Variants in TMEM82 observed in about 807,000 individuals in gnomAD.
The protein encoded by TMEM82 is transmembrane protein 82.
TMEM82 carries 30 observed loss-of-function variants against 29.2 expected under a neutral mutation model. The ratio of observed to expected loss-of-function variants is 1.03; its 90% CI spans 0.77 to 1.39. The LOEUF (loss-of-function observed/expected upper bound fraction) is 1.39. Ranked by LOEUF, TMEM82 falls within the 40% of genes most tolerant of loss-of-function variation. The probability of loss-of-function intolerance (pLI) is 0.00; values close to 1 mark genes in which losing one functional copy is unlikely to be tolerated. For synonymous variants in TMEM82, 221 were observed against 225.4 expected (o/e 0.98, Z 0.18); for missense variants, 442 against 447.7 (o/e 0.99, Z 0.12).
chr1:15,747,694 A>G lies in TMEM82; in HGVS notation c.*62A>G. ...CACTAGCCTGATCTCCGAGGCCTTG[A>G]CCCCAGGGCGATGCCTGGAGGCAGA... On this transcript the variant is annotated 3_prime_UTR_variant, in exon 6 of 6. Transcript: ENST00000375782. The G allele has an allele frequency of 6.9e-7, 1 of 1,454,596 alleles. No individual in the cohort carries two copies. Among genetic ancestry groups the G allele is most frequent in the Non-Finnish European group, 9.6e-7 (1 of 1,045,766 alleles). 90.1% of individuals were successfully genotyped at this position (1,454,596 alleles called of 1,614,324 possible). A position where few individuals can be genotyped will look rare whatever the true frequency, so the allele number is the denominator to read the frequency against.
chr1:15,747,493 G>A, intron 5 of TMEM82, 53 bp from the exon 6 acceptor site: 4 of 1,517,298 alleles, frequency 2.6e-6, no homozygotes, highest in Middle Eastern at 1.7e-4. Flanking sequence ...GAGGCCCAAG[G>A]CCCGCAGGGG....
intron 4 of TMEM82, 105 bp from the exon 5 acceptor site, chr1:15,746,762 G>C (rs1303456253): frequency 1.1e-6 from 1 of 919,088 alleles, no homozygotes; most frequent in African/African-American, 1.6e-5. Flanking sequence ...TGGGAGGAGG[G>C]CTGCACGGGA....
rs1165971297 is a variant in TMEM82, at chr1:15,744,567, C to A, written c.744C>A (p.Val248=). 5 of 1,608,754 alleles carry A rather than the reference C, an allele frequency of 3.1e-6. No individual in the cohort carries two copies. Among genetic ancestry groups the A allele is most frequent in the Non-Finnish European group, 4.2e-6 (5 of 1,177,664 alleles). The change falls in exon 4 of 6, where the codon GTC becomes GTA. Residue 248 remains valine (V), a synonymous_variant. Transcript: ENST00000375782. The surrounding 1 kb of genome is among the most constrained non-coding windows in gnomAD (Gnocchi z 5.2). The part of the protein sequence containing the change: ...TPLTICYTLL[V]IYMQEEQRQH... ...TCACCATCTGCTACACGCTGCTGGT[C>A]ATCTACATGCAGGGTGAGCGCTGCG...
At position 15,744,280 on chromosome 1, in the gene TMEM82, C is replaced by A. The variant is rs2068316610; in HGVS notation, c.457C>A (p.Leu153Met). 1 of 1,557,554 alleles carries A rather than the reference C, an allele frequency of 6.4e-7. No homozygotes were observed. Among genetic ancestry groups the A allele is most frequent in the South Asian group, 1.2e-5 (1 of 85,670 alleles). Residue 153 changes from leucine to methionine, a missense_variant, in exon 4 of 6, where the codon CTG (leucine) becomes ATG (methionine). Physicochemically the swap from Leu to Met is conservative, Grantham distance 15. Coordinates refer to ENST00000375782, the MANE Select transcript of TMEM82 (RefSeq NM_001013641.3). The surrounding 1 kb of genome is among the most constrained non-coding windows in gnomAD (Gnocchi z 5.2). ...GGGCGCCCCTCACCGCACGCTGAAC[C>A]TGCTGCTGAGCCTCGGGCTGGCCAC... ...QEGAPHRTLN[L>M]LLSLGLATLL...
At chr1:15,743,488 A>T (rs1051680700) in intron 3 of TMEM82, among the ~76,000 whole-genome samples, 1 of 152,266 alleles carries the variant, frequency 6.6e-6, no homozygotes, top group African/African-American at 2.4e-5. Context: ...CGTAATCCTC[A>T]CAGCCACAGG....
At chr1:15,743,769 C>A (rs1432999126) in intron 3 of TMEM82, among the ~76,000 whole-genome samples, 1 of 152,098 alleles carries the variant, frequency 6.6e-6, no homozygotes, top group Admixed American at 6.5e-5. Context: ...GCCTGGCCAA[C>A]ATGGAGAAAC....
intron 5 of TMEM82, 29 bp from the exon 6 acceptor site, chr1:15,747,517 G>C (rs1302501050): frequency 2.5e-6 from 4 of 1,596,758 alleles, no homozygotes; most frequent in Non-Finnish European, 3.4e-6. Context: ...GGGTGAATGG[G>C]TGGTGTCATT....
chr1:15,746,454 G>A (rs1180126894), intron 4 of TMEM82, among the ~76,000 whole-genome samples: 1 of 151,732 alleles, frequency 6.6e-6, no homozygotes, highest in African/African-American at 2.4e-5. Context: ...AGCCTGGCAA[G>A]GAGGCTTCTT....
At chr1:15,747,119 C>A in intron 5 of TMEM82, 65 bp downstream of exon 5, 1 of 1,529,592 alleles carries the variant, frequency 6.5e-7, no homozygotes, top group Non-Finnish European at 8.8e-7. Flanking sequence ...CCAGGAGCCT[C>A]AAGAGGCTCA....
intron 5 of TMEM82, 78 bp from the exon 6 acceptor site, chr1:15,747,468 G>C (rs1183369314): frequency 4.8e-6 from 6 of 1,261,650 alleles, no homozygotes; most frequent in Non-Finnish European, 6.9e-6. Flanking sequence ...GGGGGAGGAA[G>C]TGCCCGGGTC....
At chr1:15,745,284 G>A (rs1290994196) in intron 4 of TMEM82, among the ~76,000 whole-genome samples, 1 of 152,162 alleles carries the variant, frequency 6.6e-6, no homozygotes, top group Non-Finnish European at 1.5e-5. Flanking sequence ...ACTTTGAGAA[G>A]CTGAGACAGG....
chr1:15,747,140 G>A (rs1291277822), intron 5 of TMEM82, 86 bp downstream of exon 5: 6 of 1,433,048 alleles, frequency 4.2e-6, no homozygotes, highest in Non-Finnish European at 5.7e-6. Flanking sequence ...AGTTTAAGAA[G>A]AGCCAGCTGG....
chr1:15,745,405 G>A (rs1446996057), intron 4 of TMEM82, among the ~76,000 whole-genome samples: 1 of 152,052 alleles, frequency 6.6e-6, no homozygotes, highest in Non-Finnish European at 1.5e-5. Context: ...CTGTAATCCA[G>A]CTACTCAGGA....
chr1:15,744,540 G>A lies in TMEM82; in HGVS notation c.717G>A (p.Pro239=), dbSNP rs554348940. The A allele has an allele frequency of 1.7e-5, 27 of 1,612,084 alleles. 1 individual carries two copies. Among genetic ancestry groups the A allele is most frequent in the Admixed American group, 1.2e-4 (7 of 59,926 alleles). The stretch of plus-strand genomic sequence containing the variant: ...CGGAGGCCATGCGGTTCTGGACACC[G>A]CTCACCATCTGCTACACGCTGCTGG... ...TTSEAMRFWT[P]LTICYTLLVI... Residue 239 remains proline (P), a synonymous_variant, in exon 4 of 6, where the codon CCG becomes CCA. Coordinates refer to ENST00000375782, the MANE Select transcript of TMEM82 (RefSeq NM_001013641.3). This position sits in a 1 kb window ranked among gnomAD's most constrained non-coding sequence, Gnocchi z 5.2.
Position 15,744,110 on chromosome 1 carries a change from T to C in TMEM82, c.337-50T>C. 1 of 1,447,298 alleles carries C rather than the reference T, an allele frequency of 6.9e-7. No homozygotes were observed. The highest frequency in any genetic ancestry group is 9.1e-7 in the Non-Finnish European group (1 of 1,099,968). 89.7% of individuals were successfully genotyped at this position (1,447,298 alleles called of 1,614,324 possible). ...CCGGCTTCCTGTGGTGGGCAGCACCTGTGGTGAGGCAGCCCCCACATCTCG... is the reference window on the plus strand; with the variant it reads ...CCGGCTTCCTGTGGTGGGCAGCACCCGTGGTGAGGCAGCCCCCACATCTCG... On this transcript the variant is annotated intron_variant, in intron 3 of 5. Coordinates refer to ENST00000375782, the MANE Select transcript of TMEM82 (RefSeq NM_001013641.3). This position sits in a 1 kb window ranked among gnomAD's most constrained non-coding sequence, Gnocchi z 5.2.
intron 1 of TMEM82, 33 bp downstream of exon 1, chr1:15,742,680 C>T (rs765473847): frequency 5.5e-5 from 87 of 1,589,786 alleles, no homozygotes; most frequent in Non-Finnish European, 6.3e-5. Context: ...GCCTTGGCCC[C>T]GCCCCCTTCC....
chr1:15,747,188 AG>A (rs1384194922), intron 5 of TMEM82, 134 bp downstream of exon 5: 2 of 966,674 alleles, frequency 2.1e-6, no homozygotes, highest in Non-Finnish European at 3.0e-6. Context: ...AATACTCAGG[AG>A]GCTGAGACCT....
intron 4 of TMEM82, among the ~76,000 whole-genome samples, chr1:15,746,621 C>T (rs1432018950): frequency 1.3e-5 from 2 of 152,008 alleles, no homozygotes; most frequent in East Asian, 1.9e-4. Flanking sequence ...CCTGCCACTG[C>T]GAGGCTGCGA....
At chr1:15,743,858 G>A (rs1438559461) in intron 3 of TMEM82, among the ~76,000 whole-genome samples, 1 of 152,108 alleles carries the variant, frequency 6.6e-6, no homozygotes, top group African/African-American at 2.4e-5. Context: ...CCAGCTTCTT[G>A]GGAGGCTGAG....
Sources: allele counts gnomAD v4.1 joint callset (sites outside exome capture counted in the v4.1 genomes callset), GRCh38; gene constraint gnomAD v4.1.1; non-coding constraint Gnocchi (gnomAD v3.1); transcripts MANE v1.5; gene names NCBI Gene and HGNC (gene_info 2026-07-23, HGNC 2026-07-21).